The following TDRD12 variants were observed in gnomAD, a reference collection of about 807,000 sequenced individuals.
The protein encoded by TDRD12 is tudor domain containing 12.
A neutral mutation model predicts 133.5 loss-of-function variants in TDRD12; 158 were observed. The ratio of observed to expected loss-of-function variants is 1.18; its 90% CI spans 1.04 to 1.35. The LOEUF (loss-of-function observed/expected upper bound fraction) is 1.35. Among genes scored for constraint, TDRD12 ranks in the 40% most tolerant of loss-of-function variants. The pLI is 0.00. For missense variants in TDRD12, 1,443 were observed against 1,321.3 expected (o/e 1.09, Z -1.43); for synonymous variants, 460 against 477.9 (o/e 0.96, Z 0.49).
chr19:32,745,936 C>CTG (rs1311266775), intron 4 of TDRD12, among the ~76,000 whole-genome samples: 5 of 100,692 alleles, frequency 5.0e-5, no homozygotes, highest in African/African-American at 1.7e-4. Flanking sequence ...TGTGGTTATT[C>CTG]TGTGTGTGTG....
At chr19:32,727,345 C>A (rs1968893552) in intron 1 of TDRD12, among the ~76,000 whole-genome samples, 1 of 152,134 alleles carries the variant, frequency 6.6e-6, no homozygotes, top group East Asian at 1.9e-4. Flanking sequence ...TTTAGGAGTT[C>A]TCTGTATATT....
intron 6 of TDRD12, among the ~76,000 whole-genome samples, chr19:32,753,670 A>ATTTT (rs61178379): frequency 2.3e-5 from 3 of 130,482 alleles, no homozygotes; most frequent in East Asian, 2.3e-4. Flanking sequence ...CACCTGGCTA[A>ATTTT]TTTTTTTTTT....
chr19:32,769,989 T>C (rs796799345), intron 8 of TDRD12, among the ~76,000 whole-genome samples: 3 of 127,806 alleles, frequency 2.3e-5, no homozygotes, highest in African/African-American at 9.9e-5. Flanking sequence ...ATTTTGTGGG[T>C]ATGTGTTCTT....
chr19:32,823,875 C>A (rs1318885793), downstream of TDRD12, among the ~76,000 whole-genome samples: 2 of 152,234 alleles, frequency 1.3e-5, no homozygotes, highest in Non-Finnish European at 2.9e-5. Context: ...TGTCGCAGGC[C>A]CTGCTACCGG....
intron 21 of TDRD12, among the ~76,000 whole-genome samples, chr19:32,804,687 G>A (rs1341773278): frequency 7.8e-6 from 1 of 127,786 alleles, no homozygotes; most frequent in Non-Finnish European, 1.7e-5. Context: ...GCAAGATTCT[G>A]TCTCAAAAAA....
intron 8 of TDRD12, among the ~76,000 whole-genome samples, chr19:32,758,016 C>T (rs1373980314): frequency 6.6e-6 from 1 of 152,190 alleles, no homozygotes; most frequent in East Asian, 1.9e-4. Context: ...CAGTGCCCAC[C>T]CCGTCCCCGA....
chr19:32,782,850 G>A (rs1970808392), intron 11 of TDRD12, among the ~76,000 whole-genome samples: 1 of 152,168 alleles, frequency 6.6e-6, no homozygotes, highest in Non-Finnish European at 1.5e-5. Flanking sequence ...TAAGTTCTTT[G>A]TAGATTTTGG....
intron 15 of TDRD12, among the ~76,000 whole-genome samples, 173 bp downstream of exon 15, chr19:32,798,064 C>T (rs1221572133): frequency 6.6e-6 from 1 of 152,192 alleles, no homozygotes; most frequent in Non-Finnish European, 1.5e-5. Context: ...GTTTTGATTA[C>T]GAAGGCTTGA....
In TDRD12 at chr19:32,729,438, C is replaced by T. The variant is rs1255505419; in HGVS notation, c.25-2287C>T. Among the ~76,000 whole-genome samples the T allele has an allele frequency of 9.9e-5, 15 of 151,616 alleles. No individual in the cohort carries two copies. The East Asian group carries it at 1.4e-3, about 14-fold the overall frequency. ...TTCATCGTGTTAGCTAGGATGGTCT[C>T]GATCTCCTGACCTCGTGATCCGCCC... On this transcript the variant is annotated intron_variant, in intron 1 of 27. Transcript: ENST00000444215.
chr19:32,774,288 C>T (rs1008493640), intron 10 of TDRD12, among the ~76,000 whole-genome samples: 1 of 152,152 alleles, frequency 6.6e-6, no homozygotes, highest in Non-Finnish European at 1.5e-5. Context: ...CAATTATATT[C>T]TAGAGAGAGT....
chr19:32,822,528 G>C (rs1476371149), downstream of TDRD12, among the ~76,000 whole-genome samples: 8 of 152,150 alleles, frequency 5.3e-5, no homozygotes, highest in African/African-American at 1.9e-4. Flanking sequence ...CGGGCAGATC[G>C]TGAGGTCAGG....
chr19:32,812,093 G>T (rs1224342640), intron 24 of TDRD12, among the ~76,000 whole-genome samples: 1 of 152,216 alleles, frequency 6.6e-6, no homozygotes, highest in East Asian at 1.9e-4. Context: ...AACAGATGGG[G>T]CGTTGAAAGC....
At chr19:32,765,752 G>A (rs1425385237) in intron 8 of TDRD12, among the ~76,000 whole-genome samples, 15 of 151,494 alleles carry the variant, frequency 9.9e-5, no homozygotes, top group African/African-American at 2.7e-4. Flanking sequence ...GGTGGGGGTC[G>A]GGGGGAGGGA....
chr19:32,801,844 A>C (rs755945316), exon 19 of TDRD12: 5 of 1,444,286 alleles, frequency 3.5e-6, no homozygotes, highest in African/African-American at 1.4e-5. Context: ...TGGAAGAAGA[A>C]GTTAAGTTCT....
intron 1 of TDRD12, among the ~76,000 whole-genome samples, chr19:32,723,566 G>A (rs1968760194): frequency 1.3e-5 from 2 of 151,296 alleles, no homozygotes; most frequent in Admixed American, 1.3e-4. Flanking sequence ...GATAACTCTT[G>A]AAGTCAGGTG....
At chr19:32,721,260 C>T (rs1409607436) in intron 1 of TDRD12, among the ~76,000 whole-genome samples, 1 of 152,120 alleles carries the variant, frequency 6.6e-6, no homozygotes, top group Non-Finnish European at 1.5e-5. Flanking sequence ...AGTTGACAGG[C>T]CAGAGCAGAG....
At chr19:32,784,253 G>A in intron 11 of TDRD12, among the ~76,000 whole-genome samples, 1 of 152,110 alleles carries the variant, frequency 6.6e-6, no homozygotes. Context: ...ATAGTCATGT[G>A]GTTTTTGTTG....
chr19:32,739,471 T>C (rs756750785), intron 3 of TDRD12, among the ~76,000 whole-genome samples: 4 of 134,156 alleles, frequency 3.0e-5, no homozygotes, highest in Non-Finnish European at 6.3e-5. Flanking sequence ...TCTCCTGGGG[T>C]TCTTCCTGCA....
chr19:32,816,067 C>T (rs1967171385), intron 26 of TDRD12, among the ~76,000 whole-genome samples: 1 of 151,920 alleles, frequency 6.6e-6, no homozygotes, highest in African/African-American at 2.4e-5. Context: ...TAATAATGAC[C>T]AAGATTTTGG....
Sources: allele counts gnomAD v4.1 joint callset (sites outside exome capture counted in the v4.1 genomes callset), GRCh38; gene constraint gnomAD v4.1.1; transcripts MANE v1.5; gene names NCBI Gene and HGNC (gene_info 2026-07-23, HGNC 2026-07-21).